The following ACP7 variants were observed in gnomAD, a reference collection of about 807,000 sequenced individuals.
The protein encoded by ACP7 is acid phosphatase 7, tartrate resistant (putative).
In ACP7, 58 loss-of-function variants were observed where a neutral mutation model predicts 60.6. That is an observed-to-expected ratio of 0.96 (90% confidence interval 0.77 to 1.19). The LOEUF (loss-of-function observed/expected upper bound fraction) is 1.19. Ranked by LOEUF, ACP7 falls within the 50% of genes most tolerant of loss-of-function variation. The pLI is 0.00. For synonymous variants in ACP7, 237 were observed against 232.6 expected, an observed-to-expected ratio of 1.02 and a Z score of -0.17; for missense variants, 574 against 596.2, an observed-to-expected ratio of 0.96 and a Z score of 0.39.
At chr19:39,109,487 T>C (rs907896955) in intron 12 of ACP7, among the ~76,000 whole-genome samples, 20 of 151,790 alleles carry the variant, frequency 1.3e-4, no homozygotes, top group Non-Finnish European at 2.8e-4. Context: ...GGCGGATCAC[T>C]TGAGGTCAGG....
intron 11 of ACP7, among the ~76,000 whole-genome samples, chr19:39,103,173 C>T (rs1193242205): frequency 6.6e-6 from 1 of 152,166 alleles, no homozygotes; most frequent in Non-Finnish European, 1.5e-5. Context: ...TTCTGTCGCC[C>T]TCACTCTTCC....
At chr19:39,093,830 C>A (rs1406437112) in intron 2 of ACP7, among the ~76,000 whole-genome samples, 3 of 152,198 alleles carry the variant, frequency 2.0e-5, no homozygotes, top group Non-Finnish European at 4.4e-5. Flanking sequence ...ACATTAAGGG[C>A]AGCTAACTAT....
intron 10 of ACP7, 30 bp from the exon 11 acceptor site, chr19:39,101,436 C>T (rs1412733597): frequency 6.2e-7 from 1 of 1,613,746 alleles, no homozygotes. Context: ...CGAGTGACTG[C>T]CTGCCACCCA....
chr19:39,107,942 T>C (rs948660200), intron 12 of ACP7, among the ~76,000 whole-genome samples: 2 of 151,976 alleles, frequency 1.3e-5, no homozygotes, highest in Non-Finnish European at 2.9e-5. Flanking sequence ...TCCCAGCTAC[T>C]TGGGAGGCTG....
intron 2 of ACP7, among the ~76,000 whole-genome samples, chr19:39,087,499 G>A: frequency 6.6e-6 from 1 of 151,322 alleles, no homozygotes; most frequent in East Asian, 2.0e-4. Flanking sequence ...GCTCTGTCAG[G>A]GTTTGGCACT....
Position 39,085,291 on chromosome 19 carries a change from T to TG in ACP7, c.24dup (p.Ser9ValfsTer34). 6.2e-7 allele frequency: 1 copy of TG among 1,613,560 alleles called. No homozygotes were observed. Among genetic ancestry groups the TG allele is most frequent in the Non-Finnish European group, 8.5e-7 (1 of 1,179,748 alleles). On this transcript the variant is annotated frameshift_variant, in exon 2 of 13. Coordinates refer to ENST00000331256, the MANE Select transcript of ACP7 (RefSeq NM_001004318.3). LOFTEE classifies it high-confidence loss of function. ...CACCATGCACCCCCTTCCTGGCTAC[T>TG]GGTCCTGTTACTGTCTACTCCTGCT...
At chr19:39,095,043 A>G (rs1002669626) in intron 2 of ACP7, among the ~76,000 whole-genome samples, 2 of 152,196 alleles carry the variant, frequency 1.3e-5, no homozygotes, top group African/African-American at 4.8e-5. Context: ...TGTGGGAATT[A>G]TGGGTGTACA....
At chr19:39,102,768 T>TTTCTTTCTTTCTTTCTTTC (rs202133727) in intron 11 of ACP7, among the ~76,000 whole-genome samples, 2 of 57,024 alleles carry the variant, frequency 3.5e-5, no homozygotes, top group East Asian at 1.1e-3. Flanking sequence ...TCTTTCTTTC[T>TTTCTTTCTTTCTTTCTTTC]CTCTCTCTCT....
intron 3 of ACP7, 29 bp from the exon 4 acceptor site, chr19:39,098,931 T>C (rs1448398075): frequency 1.9e-6 from 3 of 1,606,534 alleles, no homozygotes; most frequent in Non-Finnish European, 1.7e-6. Context: ...GCGCCCCAGC[T>C]GACTGCGACC....
Position 39,100,825 on chromosome 19 carries a change from A to G in ACP7, c.779A>G (p.Gln260Arg). The change falls in exon 7 of 13, where the codon CAG (glutamine) becomes CGG (arginine). Residue 260 changes from glutamine (Q) to arginine (R), a missense_variant. Physicochemically the swap from Gln to Arg is conservative, Grantham distance 43 (BLOSUM62 1). Transcript: ENST00000331256. ...LHYGRHLVQR[Q>R]FRWLESDLQK... is the part of the protein sequence containing the mutation. ...TATGGCCGCCACTTGGTACAGAGGC[A>G]GTTTCGCTGGCTGGAGAGCGACCTC... The G allele has an allele frequency of 6.2e-7, 1 of 1,613,928 alleles. No individual in the cohort carries two copies. The highest frequency in any genetic ancestry group is 2.2e-5 in the East Asian group (1 of 44,868).
At chr19:39,098,266 A>G (rs1221148174) in intron 2 of ACP7, among the ~76,000 whole-genome samples, 192 bp from the exon 3 acceptor site, 1 of 150,852 alleles carries the variant, frequency 6.6e-6, no homozygotes, top group East Asian at 1.9e-4. Context: ...AAAAAAAAAA[A>G]AAAAAAAAAA....
chr19:39,107,686 G>T (rs2073426902), intron 12 of ACP7, among the ~76,000 whole-genome samples: 1 of 151,780 alleles, frequency 6.6e-6, no homozygotes, highest in African/African-American at 2.4e-5. Context: ...AGGAGTTAGA[G>T]ACCAGCCTGG....
At chr19:39,102,546 A>C (rs2145023920) in intron 11 of ACP7, among the ~76,000 whole-genome samples, 1 of 151,950 alleles carries the variant, frequency 6.6e-6, no homozygotes, top group African/African-American at 2.4e-5. Flanking sequence ...GCTGGTCTCA[A>C]ACTCCTCACC....
Position 39,099,075 on chromosome 19 carries a change from C to A in ACP7, c.438C>A (p.Asn146Lys), listed in dbSNP as rs201971377. The A allele has an allele frequency of 4.6e-4, 742 of 1,606,640 alleles. 8 individuals are homozygous for A. The East Asian group carries it at 0.011, about 23-fold the overall frequency. ...LAVFGDLGAD[N>K]PKAVPRLRRD... is the part of the protein sequence containing the mutation. ...TGTTTGGAGACCTGGGGGCTGACAA[C>A]CCGAAGGCCGTCCCCCGGCTGCGCA... Residue 146 changes from asparagine (N) to lysine (K), a missense_variant, in exon 4 of 13, where the codon AAC becomes AAA. Physicochemically the swap from Asn to Lys is moderately conservative, Grantham distance 94. Transcript: ENST00000331256.
At chr19:39,103,089 C>T (rs1217673831) in intron 11 of ACP7, among the ~76,000 whole-genome samples, 6 of 152,066 alleles carry the variant, frequency 3.9e-5, no homozygotes, top group African/African-American at 1.2e-4. Flanking sequence ...CAGCCCACCT[C>T]GGCCTCCCAA....
At chr19:39,106,895 T>C in intron 11 of ACP7, 52 bp from the exon 12 acceptor site, 1 of 1,603,804 alleles carries the variant, frequency 6.2e-7, no homozygotes, top group Non-Finnish European at 8.5e-7. Context: ...CATTTCTGCT[T>C]CCCCGCGGGT....
chr19:39,104,788 G>A (rs1414810198), intron 11 of ACP7, among the ~76,000 whole-genome samples: 2 of 152,100 alleles, frequency 1.3e-5, no homozygotes, highest in East Asian at 3.9e-4. Context: ...AGGAGGGTGA[G>A]GCAGGAGAAT....
At chr19:39,108,019 C>A (rs954929894) in intron 12 of ACP7, among the ~76,000 whole-genome samples, 1 of 152,120 alleles carries the variant, frequency 6.6e-6, no homozygotes, top group African/African-American at 2.4e-5. Flanking sequence ...CCTCTGTACT[C>A]CAGCCTTGGC....
chr19:39,084,886 A>G (rs772993097), intron 1 of ACP7, among the ~76,000 whole-genome samples: 4 of 152,080 alleles, frequency 2.6e-5, no homozygotes, highest in Non-Finnish European at 5.9e-5. Flanking sequence ...GCTCCATCCC[A>G]TCCTAGCTGT....
Sources: allele counts gnomAD v4.1 joint callset (sites outside exome capture counted in the v4.1 genomes callset), GRCh38; gene constraint gnomAD v4.1.1; transcripts MANE v1.5; gene names NCBI Gene and HGNC (gene_info 2026-07-23, HGNC 2026-07-21).